Variants in MCM3AP observed in about 807,000 individuals in gnomAD.
MCM3AP encodes the protein germinal-center associated nuclear protein.
In MCM3AP, 126 loss-of-function variants were observed where a neutral mutation model predicts 184.1. That is an observed-to-expected ratio of 0.68 (90% CI 0.59 to 0.79). The LOEUF (loss-of-function observed/expected upper bound fraction) is 0.79, where lower values mean the gene tolerates loss of function less well. Among genes scored for constraint, MCM3AP ranks in the 30% least tolerant of loss-of-function variants. The pLI, the probability that MCM3AP is intolerant of heterozygous loss-of-function variation, is 0.00. For synonymous variants in MCM3AP, 1,002 were observed against 979.3 expected (o/e 1.02, Z -0.43); for missense variants, 2,496 against 2,479.2 (o/e 1.01, Z -0.14).
chr21:46,261,751 A>G (rs1376819801), intron 13 of MCM3AP, among the ~76,000 whole-genome samples: 1 of 146,888 alleles, frequency 6.8e-6, no homozygotes. Flanking sequence ...AAAAAAAAAG[A>G]AAGAAAAATA....
At position 46,246,813 on chromosome 21, in the gene MCM3AP, C is replaced by T. The variant is rs776884202; in HGVS notation, c.4364G>A (p.Gly1455Glu). ...TTTGGGGGGAAGCAGCAGCATGAGC[C>T]CACTGGCTCCCAGGAGGTCCTTCTG... The part of the protein sequence containing the change: ...ETQKDLLGAS[G>E]LMLLLPPKMK... The change falls in exon 21 of 28, where the codon GGG becomes GAG. Residue 1455 changes from glycine (G) to glutamate (E), a missense_variant. Gly to Glu is a moderately conservative substitution (Grantham distance 98, BLOSUM62 -2). This residue lies in a region of MCM3AP where 1,323 missense variants were observed against 1,273.4 expected (regional missense o/e 1.04). Transcript: ENST00000291688. The T allele has an allele frequency of 1.2e-6, 2 of 1,614,178 alleles. No individual in the cohort carries two copies. The highest frequency in any genetic ancestry group is 1.7e-6 in the Non-Finnish European group (2 of 1,180,034).
At position 46,240,902 on chromosome 21, in the gene MCM3AP, T is replaced by G. The variant is rs1018498876; in HGVS notation, c.5542A>C (p.Thr1848Pro). 6.2e-7 allele frequency: 1 copy of G among 1,614,228 alleles called. No individual in the cohort carries two copies. The highest frequency in any genetic ancestry group is 8.5e-7 in the Non-Finnish European group (1 of 1,180,024). The part of the protein sequence containing the change: ...ECAQEGRIPS[T>P]EDLMRGASAE... ...GAAGCTCCTCGCATCAGATCCTCTG[T>G]GCTGGGAATCCTCCCCTCTTGAGCA... is the stretch of plus-strand genomic sequence containing the variant. The change falls in exon 26 of 28, where the codon ACA (threonine) becomes CCA (proline). Residue 1848 changes from threonine to proline, a missense_variant. By Grantham distance (38) the Thr-to-Pro change is conservative (BLOSUM62 -1). This residue lies in a region of MCM3AP where 1,323 missense variants were observed against 1,273.4 expected (regional missense o/e 1.04). Coordinates refer to ENST00000291688, the MANE Select transcript of MCM3AP (RefSeq NM_003906.5).
chr21:46,285,830 C>T (rs1379604613), upstream of MCM3AP: 1 of 152,972 alleles, frequency 6.5e-6, no homozygotes, highest in Non-Finnish European at 1.5e-5. Flanking sequence ...GGCTGGAGCG[C>T]TAAGCACTTT....
intron 12 of MCM3AP, among the ~76,000 whole-genome samples, chr21:46,264,947 T>C (rs1468217812): frequency 6.8e-6 from 1 of 147,072 alleles, no homozygotes; most frequent in East Asian, 2.0e-4. Flanking sequence ...CAGGGGGACA[T>C]GCCCACTCCA....
At chr21:46,265,236 A>T in intron 12 of MCM3AP, 85 bp downstream of exon 12, 2 of 1,306,930 alleles carry the variant, frequency 1.5e-6, no homozygotes, top group Non-Finnish European at 2.2e-6. Context: ...CAGGCGCCAC[A>T]GCCCCACCTC....
rs1601486595 is a variant in MCM3AP at position 46,243,119 on chromosome 21, C to T, written c.5297-188G>A. 9.7e-6 allele frequency: 6 copies of T among 618,346 alleles called. No individual in the cohort carries two copies. The East Asian group carries it at 1.4e-4, about 15-fold the overall frequency. The allele number at this position is 618,346 out of a possible 1,614,324, so 38.3% of individuals were successfully genotyped here. ...TTAAAGTCACACAATTATGTGACTT[C>T]CACACTTGGGTTAAATAGGCTCCCA... On this transcript the variant is annotated intron_variant, in intron 24 of 27. Coordinates refer to ENST00000291688, the MANE Select transcript of MCM3AP (RefSeq NM_003906.5).
Position 46,284,470 on chromosome 21 carries a change from C to G in MCM3AP, c.817G>C (p.Gly273Arg), listed in dbSNP as rs778239791. 6.2e-7 allele frequency: 1 copy of G among 1,614,172 alleles called. No individual in the cohort carries two copies. The highest frequency in any genetic ancestry group is 8.5e-7 in the Non-Finnish European group (1 of 1,180,028). ...ACCTGGGAAACAGCTTCTTCACACC[C>G]CTGCCTGACACCTGCTTTGCTAGCC... ...FQASKAGVRQ[G>R]CEEAVSQVEP... is the part of the protein sequence containing the mutation. The change falls in exon 1 of 28, where the codon GGG becomes CGG. Residue 273 changes from glycine (G) to arginine (R), a missense_variant. Transcript: ENST00000291688.
rs17183368 is a variant in MCM3AP, at chr21:46,236,818, G to C, written c.5784+11C>G. 1 of 1,526,802 alleles carries C rather than the reference G, an allele frequency of 6.5e-7. No homozygotes were observed. The highest frequency in any genetic ancestry group is 1.3e-5 in the South Asian group (1 of 75,334). The allele number at this position is 1,526,802 out of a possible 1,614,324, so 94.6% of individuals were successfully genotyped here. ...TCTTATGTAAATGCCAAATGTATAC[G>C]TTCTTCTCACCTGTGGGCTAGTAGT... On this transcript the variant is annotated intron_variant, in intron 27 of 27. Coordinates refer to ENST00000291688, the MANE Select transcript of MCM3AP (RefSeq NM_003906.5).
chr21:46,235,402 G>C lies in MCM3AP; in HGVS notation c.5809C>G (p.Gln1937Glu). ...CACGTTCCTGTCGCCTCTGACAGCTGCAGTTGCTCCCTCATCATGTCACTC... is the reference window on the plus strand; with the variant it reads ...CACGTTCCTGTCGCCTCTGACAGCTCCAGTTGCTCCCTCATCATGTCACTC... ...PQSDMMREQL[Q>E]LSEATGTCLG... Residue 1937 changes from glutamine to glutamate, a missense_variant, in exon 28 of 28, where the codon CAG becomes GAG. Gln to Glu is a conservative substitution (Grantham distance 29, BLOSUM62 2). Coordinates refer to ENST00000291688, the MANE Select transcript of MCM3AP (RefSeq NM_003906.5). 1 of 1,614,064 alleles carries C rather than the reference G, an allele frequency of 6.2e-7. No homozygotes were observed. The highest frequency in any genetic ancestry group is 8.5e-7 in the Non-Finnish European group (1 of 1,179,992).
chr21:46,268,687 G>A (rs1308136483), intron 9 of MCM3AP, among the ~76,000 whole-genome samples: 1 of 152,242 alleles, frequency 6.6e-6, no homozygotes, highest in Non-Finnish European at 1.5e-5. Context: ...GGCTGCCTCT[G>A]TGCGCCACTG....
At chr21:46,256,460 CCAA>C in intron 17 of MCM3AP, 2 of 346,226 alleles carry the variant, frequency 5.8e-6, no homozygotes, top group South Asian at 7.7e-5. Context: ...TCCGGCTCCT[CCAA>C]CAAGGATGGA....
At chr21:46,239,830 C>T (rs2080620900) in intron 26 of MCM3AP, among the ~76,000 whole-genome samples, 1 of 151,740 alleles carries the variant, frequency 6.6e-6, no homozygotes, top group African/African-American at 2.4e-5. Context: ...TGAGGAGGAA[C>T]CAGCAGGGCA....
chr21:46,285,419 C>G lies in MCM3AP; in HGVS notation c.-133G>C. Reference sequence around the variant, plus strand: ...GCTGAAAGAGAAAAATTCAGATCATCATAGCTATGTTCTGCTACAAGTCTA... The same window carrying G: ...GCTGAAAGAGAAAAATTCAGATCATGATAGCTATGTTCTGCTACAAGTCTA... On this transcript the variant is annotated 5_prime_UTR_variant, in exon 1 of 28. It removes an upstream start codon present in the reference 5' UTR. Coordinates refer to ENST00000291688, the MANE Select transcript of MCM3AP (RefSeq NM_003906.5). The G allele has an allele frequency of 1.5e-6, 1 of 653,284 alleles. No individual in the cohort carries two copies. Among genetic ancestry groups the G allele is most frequent in the East Asian group, 2.6e-5 (1 of 38,730 alleles). The allele number at this position is 653,284 out of a possible 1,614,324, so 40.5% of individuals were successfully genotyped here.
At chr21:46,253,472 C>T (rs2080902712) in intron 19 of MCM3AP, 1 of 152,194 alleles carries the variant, frequency 6.6e-6, no homozygotes, top group African/African-American at 2.4e-5. Flanking sequence ...GGAGGAGGGG[C>T]CTGGTGGGAA....
intron 22 of MCM3AP, 32 bp downstream of exon 22, chr21:46,246,275 T>A (rs768208311): frequency 7.3e-7 from 1 of 1,365,564 alleles, no homozygotes; most frequent in East Asian, 2.3e-5. Context: ...ACAAAATATC[T>A]TGACAGACCA....
intron 5 of MCM3AP, 93 bp downstream of exon 5, chr21:46,277,434 A>G: frequency 1.1e-6 from 1 of 951,210 alleles, no homozygotes; most frequent in East Asian, 2.7e-5. Context: ...CAACAGCAAT[A>G]GAGCCCAATG....
In MCM3AP at chr21:46,246,690, A is replaced by C. The variant is rs766703569; in HGVS notation, c.4487T>G (p.Leu1496Arg). ...GCTAGGCACAAGAACCACCAGAGGA[A>C]GCGCAGGCTGGAAGGGCTTAGCCTG... is the stretch of plus-strand genomic sequence containing the variant. ...LLQAKPFQPA[L>R]PLVVLVPSPG... Residue 1496 changes from leucine to arginine, a missense_variant, in exon 21 of 28, where the codon CTT (leucine) becomes CGT (arginine). Around this residue, in one of 5 missense-constraint regions of MCM3AP, gnomAD observed 1,323 missense variants for 1,273.4 expected, o/e 1.04. Transcript: ENST00000291688. 2 of 1,614,254 alleles carry C rather than the reference A, an allele frequency of 1.2e-6. No individual in the cohort carries two copies. The highest frequency in any genetic ancestry group is 2.2e-5 in the South Asian group (2 of 91,088).
At chr21:46,275,414 A>G in intron 5 of MCM3AP, 89 bp from the exon 6 acceptor site, 1 of 1,082,284 alleles carries the variant, frequency 9.2e-7, no homozygotes, top group Non-Finnish European at 1.3e-6. Flanking sequence ...AAAAGAAATT[A>G]AAACTTAAAA....
intron 17 of MCM3AP, 117 bp downstream of exon 17, chr21:46,256,672 C>A: frequency 7.7e-7 from 1 of 1,297,752 alleles, no homozygotes; most frequent in Admixed American, 2.6e-5. Flanking sequence ...CTTCACCTAT[C>A]TTCGCCTCCA....
Sources: gnomAD v4.1 joint callset for allele counts (sites outside exome capture counted in the v4.1 genomes callset) on GRCh38, gnomAD v4.1.1 for gene constraint, gnomAD v4.1.1 regional missense constraint, MANE v1.5 for transcripts, NCBI Gene and HGNC (gene_info 2026-07-23, HGNC 2026-07-21) for gene names.